CDH4: variants seen among roughly 807,000 people sequenced by gnomAD.
The protein encoded by CDH4 is cadherin 4.
CDH4 carries 33 observed loss-of-function variants against 86.0 expected under a neutral mutation model. The observed-to-expected ratio is 0.38, with a 90% CI of 0.29 to 0.51. CDH4 has a LOEUF of 0.51. Among genes scored for constraint, CDH4 ranks in the 20% least tolerant of loss-of-function variants. CDH4 has a pLI of 0.86. For missense variants in CDH4, 1,114 were observed against 1,307.4 expected (o/e 0.85, Z 2.28); for synonymous variants, 555 against 549.4 (o/e 1.01, Z -0.14).
At chr20:61,817,746 G>A (rs567892368) in intron 4 of CDH4, among the ~76,000 whole-genome samples, 21 of 152,340 alleles carry the variant, frequency 1.4e-4, no homozygotes, top group South Asian at 6.2e-4. Flanking sequence ...AGCAAGGTCC[G>A]TTCCCACCAG....
chr20:61,714,073 GTC>G (rs1248216232), intron 2 of CDH4, among the ~76,000 whole-genome samples: 9 of 142,020 alleles, frequency 6.3e-5, no homozygotes, highest in Non-Finnish European at 1.0e-4. Flanking sequence ...TTGAGATGGA[GTC>G]TCACTCTGTC....
At chr20:61,495,215 T>A (rs2085651944) in intron 2 of CDH4, among the ~76,000 whole-genome samples, 2 of 152,254 alleles carry the variant, frequency 1.3e-5, no homozygotes, top group Non-Finnish European at 2.9e-5. Context: ...GTCTGTGATG[T>A]GTCAGGCATG....
intron 2 of CDH4, among the ~76,000 whole-genome samples, chr20:61,513,965 G>A (rs1219404737): frequency 6.6e-6 from 1 of 152,194 alleles, no homozygotes; most frequent in East Asian, 1.9e-4. Flanking sequence ...TATTTGCAGG[G>A]CGCCAAGCAG....
intron 7 of CDH4, among the ~76,000 whole-genome samples, chr20:61,892,955 T>A (rs1233627918): frequency 1.7e-5 from 2 of 119,008 alleles, no homozygotes; most frequent in Non-Finnish European, 3.3e-5. Context: ...GATAAATGGA[T>A]GGGTGGGTGA....
chr20:61,590,876 T>TGGG lies in CDH4; in HGVS notation c.170-152678_170-152676dup, dbSNP rs71185923. ...CAAAGCCTTGTCTTCCCTAAATCTA[T>TGGG]GGGGGGGGGGGTCCCCGGGTCTCCA... On this transcript the variant is annotated intron_variant, in intron 2 of 15. Coordinates refer to ENST00000614565, the MANE Select transcript of CDH4 (RefSeq NM_001794.5). Among the ~76,000 whole-genome samples, 122 of 137,246 alleles carry TGGG rather than the reference T, an allele frequency of 8.9e-4. 3 individuals carry two copies. The highest frequency in any genetic ancestry group is 7.8e-3 in the Middle Eastern group (2 of 258). 90.0% of individuals were successfully genotyped at this position (137,246 alleles called of 152,430 possible). A position where few individuals can be genotyped will look rare whatever the true frequency, so the allele number is the denominator to read the frequency against.
intron 2 of CDH4, among the ~76,000 whole-genome samples, chr20:61,404,655 G>T (rs6121780): frequency 0.13 from 20,230 of 151,742 alleles, 2,538 homozygotes; most frequent in African/African-American, 0.33. Flanking sequence ...AATCTGAGCT[G>T]CTTCTTAAGG....
intron 2 of CDH4, among the ~76,000 whole-genome samples, chr20:61,345,661 G>C (rs1313499511): frequency 6.6e-6 from 1 of 152,220 alleles, no homozygotes; most frequent in Non-Finnish European, 1.5e-5. Context: ...CTGGCAACGA[G>C]GAGGGGAACA....
At position 61,708,336 on chromosome 20, in the gene CDH4, G is replaced by T. The variant is rs901947910; in HGVS notation, c.170-35227G>T. On this transcript the variant is annotated intron_variant, in intron 2 of 15. Coordinates refer to ENST00000614565, the MANE Select transcript of CDH4 (RefSeq NM_001794.5). This position sits in a 1 kb window ranked among gnomAD's most constrained non-coding sequence, Gnocchi z 4.5. Reference sequence around the variant, plus strand: ...CCCCCCGCCTACCCCCAGCAGCTTGGTCCCCTCTGCCTCCTAACTGGGTTG... The same window carrying T: ...CCCCCCGCCTACCCCCAGCAGCTTGTTCCCCTCTGCCTCCTAACTGGGTTG... 1.3e-5 allele frequency among the ~76,000 whole-genome samples: 2 copies of T among 151,822 alleles called. No homozygotes were observed. Among genetic ancestry groups the T allele is most frequent in the African/African-American group, 2.4e-5 (1 of 41,334 alleles).
At chr20:61,301,369 A>G (rs559253059) in intron 2 of CDH4, among the ~76,000 whole-genome samples, 132 of 152,348 alleles carry the variant, frequency 8.7e-4, no homozygotes, top group African/African-American at 3.0e-3. Context: ...AACAGCAGCC[A>G]TGTTTGAAAA....
chr20:61,467,325 C>T (rs572589307), intron 2 of CDH4, among the ~76,000 whole-genome samples: 32 of 152,348 alleles, frequency 2.1e-4, no homozygotes, highest in Admixed American at 3.9e-4. Flanking sequence ...TCACTTACTA[C>T]ATATCAGCGT....
At position 61,677,679 on chromosome 20, in the gene CDH4, AGACG is replaced by A. The variant is rs1216291591; in HGVS notation, c.170-65872_170-65869del. Among the ~76,000 whole-genome samples, 39 of 148,200 alleles carry A rather than the reference AGACG, an allele frequency of 2.6e-4. No homozygotes were observed. The South Asian group carries it at 5.5e-3, about 21-fold the overall frequency. On this transcript the variant is annotated intron_variant, in intron 2 of 15. Coordinates refer to ENST00000614565, the MANE Select transcript of CDH4 (RefSeq NM_001794.5). ...TAGGTGGGTGGGTGGGTGGGTGGAC[AGACG>A]GACGGACGGACAGACGGACGGATGG...
intron 2 of CDH4, among the ~76,000 whole-genome samples, chr20:61,478,323 G>GGTGT (rs2085550645): frequency 6.6e-6 from 1 of 152,172 alleles, no homozygotes; most frequent in Non-Finnish European, 1.5e-5. Context: ...AGCAGCAATG[G>GGTGT]GTGTGTATCC....
intron 2 of CDH4, among the ~76,000 whole-genome samples, chr20:61,424,522 T>A (rs1009290090): frequency 2.6e-5 from 4 of 152,150 alleles, no homozygotes; most frequent in Admixed American, 6.5e-5. Context: ...CACACACATA[T>A]TCACAGACGC....
chr20:61,658,580 C>T (rs567991861), intron 2 of CDH4, among the ~76,000 whole-genome samples: 1 of 152,286 alleles, frequency 6.6e-6, no homozygotes, highest in East Asian at 1.9e-4. Flanking sequence ...ATGGGTGGCC[C>T]AGGTCGTTAT....
intron 4 of CDH4, among the ~76,000 whole-genome samples, chr20:61,843,333 C>T (rs1355384191): frequency 1.3e-5 from 2 of 151,280 alleles, no homozygotes; most frequent in Non-Finnish European, 2.9e-5. Context: ...GCCTGTAGTC[C>T]CAGCTACTCA....
chr20:61,827,383 G>A (rs1981374762), intron 4 of CDH4, among the ~76,000 whole-genome samples: 1 of 152,102 alleles, frequency 6.6e-6, no homozygotes, highest in South Asian at 2.1e-4. Flanking sequence ...ATGTTGTTTG[G>A]GATTTATTGG....
intron 2 of CDH4, among the ~76,000 whole-genome samples, chr20:61,520,155 G>A (rs1414746259): frequency 6.6e-6 from 1 of 152,200 alleles, no homozygotes; most frequent in African/African-American, 2.4e-5. Flanking sequence ...CATGTCCATG[G>A]AGACACCAAC....
intron 2 of CDH4, among the ~76,000 whole-genome samples, chr20:61,490,091 A>G (rs1004080136): frequency 3.9e-5 from 6 of 152,250 alleles, no homozygotes; most frequent in African/African-American, 1.4e-4. Flanking sequence ...AAGAAAATCA[A>G]ATGGACATCT....
intron 2 of CDH4, among the ~76,000 whole-genome samples, chr20:61,564,988 C>T (rs921642902): frequency 6.7e-6 from 1 of 150,004 alleles, no homozygotes; most frequent in African/African-American, 2.5e-5. Context: ...CACAGGAAAG[C>T]AGCCACCTGG....
Sources: gnomAD v4.1 joint callset for allele counts (sites outside exome capture counted in the v4.1 genomes callset) on GRCh38, gnomAD v4.1.1 for gene constraint, Gnocchi (gnomAD v3.1) non-coding constraint, MANE v1.5 for transcripts, NCBI Gene and HGNC (gene_info 2026-07-23, HGNC 2026-07-21) for gene names.